The following MVP variants were observed in gnomAD, a reference collection of about 807,000 sequenced individuals.
MVP encodes the protein major vault protein, also known as lung resistance-related protein.
MVP carries 62 observed loss-of-function variants against 83.5 expected under a neutral mutation model. The ratio of observed to expected loss-of-function variants is 0.74; its 90% confidence interval spans 0.61 to 0.92. The LOEUF (loss-of-function observed/expected upper bound fraction) is 0.92, where lower values mean the gene tolerates loss of function less well. Ranked by LOEUF, MVP falls within the 40% of genes least tolerant of loss-of-function variation. The pLI, the probability that MVP is intolerant of heterozygous loss-of-function variation, is 0.00. For synonymous variants in MVP, 505 were observed against 504.1 expected, an observed-to-expected ratio of 1.00 and a Z score of -0.02; for missense variants, 1,000 against 1,203.4, an observed-to-expected ratio of 0.83 and a Z score of 2.50.
intron 1 of MVP, among the ~76,000 whole-genome samples, chr16:29,825,734 G>T (rs2067400491): frequency 2.6e-5 from 4 of 152,338 alleles, no homozygotes; most frequent in Middle Eastern, 3.4e-3. Context: ...CCCAGCTGGG[G>T]CGGCAGATGG....
chr16:29,823,842 G>GA (rs78354677), intron 1 of MVP, among the ~76,000 whole-genome samples: 1,140 of 109,612 alleles, frequency 0.01, 8 homozygotes, highest in African/African-American at 0.018. Context: ...ACTCGTCTCA[G>GA]AAAAAAAAAA....
Position 29,841,794 on chromosome 16 carries a change from C to T in MVP, c.1390C>T (p.His464Tyr). 2 of 1,613,070 alleles carry T rather than the reference C, an allele frequency of 1.2e-6. No individual in the cohort carries two copies. Among genetic ancestry groups the T allele is most frequent in the South Asian group, 1.1e-5 (1 of 91,080 alleles). ...CCGTGTGGTCAGCTACCGCGTGCCC[C>T]ACAACGCTGCGGTGCAGGTGTACGA... is the stretch of plus-strand genomic sequence containing the variant. Reference protein sequence around the residue: ...KTRVVSYRVPHNAAVQVYDYR... With the variant: ...KTRVVSYRVPYNAAVQVYDYR... Residue 464 changes from histidine (H) to tyrosine (Y), a missense_variant, in exon 9 of 15, where the codon CAC (histidine) becomes TAC (tyrosine). Transcript: ENST00000357402. This position sits in a 1 kb window ranked among gnomAD's most constrained non-coding sequence, Gnocchi z 4.7.
rs561686298 is a variant in MVP at position 29,840,424 on chromosome 16, G to A, written c.1156G>A (p.Glu386Lys). Residue 386 changes from glutamate to lysine, a missense_variant, in exon 8 of 15, where the codon GAG becomes AAG. Coordinates refer to ENST00000357402, the MANE Select transcript of MVP (RefSeq NM_005115.5). ...CCAGGCCATCCCTCTAGACGAGAAC[G>A]AGGGCATCTATGTGCAGGATGTCAA... is the stretch of plus-strand genomic sequence containing the variant. The part of the protein sequence containing the change: ...ERQAIPLDEN[E>K]GIYVQDVKTG... 1.2e-5 allele frequency: 19 copies of A among 1,579,886 alleles called. No homozygotes were observed. Among genetic ancestry groups the A allele is most frequent in the African/African-American group, 4.0e-5 (3 of 74,680 alleles).
chr16:29,839,954 G>A (rs1437663343), intron 7 of MVP: 3 of 474,314 alleles, frequency 6.3e-6, no homozygotes, highest in Non-Finnish European at 1.1e-5. Flanking sequence ...TGACAGTTAT[G>A]GAATCTTTCA....
At chr16:29,827,779 G>C (rs2067414732) in intron 1 of MVP, among the ~76,000 whole-genome samples, 1 of 152,054 alleles carries the variant, frequency 6.6e-6, no homozygotes. Context: ...AGCTAGGCGT[G>C]GTGGCACATG....
At chr16:29,843,500 CGGAGGAAGGGAGGAAGGGAGGAAG>C (rs1183954984) in intron 10 of MVP, among the ~76,000 whole-genome samples, 1 of 47,380 alleles carries the variant, frequency 2.1e-5, no homozygotes, top group African/African-American at 1.0e-4. Context: ...GACCCTGTCT[CGGAGGAAGGGAGGAAGGGAGGAAG>C]GGAGGAAGGG....
At chr16:29,830,744 C>T in intron 2 of MVP, 70 bp downstream of exon 2, 1 of 1,589,790 alleles carries the variant, frequency 6.3e-7, no homozygotes, top group Non-Finnish European at 8.6e-7. Flanking sequence ...CATGATGGTC[C>T]TTATCCTCCT....
At position 29,840,358 on chromosome 16, in the gene MVP, G is replaced by C; in HGVS notation, c.1090G>C (p.Glu364Gln). ...GDHWLIRGPL[E>Q]YVPSAKVEVV... is the part of the protein sequence containing the mutation. ...CCACTGGCTCATCCGCGGACCCCTG[G>C]AGTATGTGCCATCTGCCAAAGTGGA... The change falls in exon 8 of 15, where the codon GAG becomes CAG. Residue 364 changes from glutamate to glutamine, a missense_variant. Transcript: ENST00000357402. 1.2e-6 allele frequency: 2 copies of C among 1,606,416 alleles called. No homozygotes were observed. Among genetic ancestry groups the C allele is most frequent in the Non-Finnish European group, 8.5e-7 (1 of 1,176,990 alleles).
intron 3 of MVP, among the ~76,000 whole-genome samples, chr16:29,831,352 C>T (rs1289121470): frequency 6.6e-6 from 1 of 152,136 alleles, no homozygotes; most frequent in African/African-American, 2.4e-5. Flanking sequence ...CAGGGTTTCA[C>T]CATGTTGGCC....
At chr16:29,847,651 T>C in intron 14 of MVP, 111 bp from the exon 15 acceptor site, 1 of 1,105,386 alleles carries the variant, frequency 9.0e-7, no homozygotes, top group Non-Finnish European at 1.4e-6. Flanking sequence ...TCAAGCAGGG[T>C]GGTCAGATGC....
At chr16:29,845,058 C>T (rs1456034316) in intron 11 of MVP, among the ~76,000 whole-genome samples, 179 bp downstream of exon 11, 1 of 152,074 alleles carries the variant, frequency 6.6e-6, no homozygotes, top group Non-Finnish European at 1.5e-5. Flanking sequence ...CGCGGTGGCT[C>T]ATGCCCGTAA....
intron 7 of MVP, among the ~76,000 whole-genome samples, chr16:29,839,830 G>C (rs970027935): frequency 4.1e-5 from 6 of 144,958 alleles, no homozygotes; most frequent in Non-Finnish European, 7.5e-5. Context: ...GATTTGGCCT[G>C]AAAACCAGAG....
At chr16:29,835,667 G>C (rs2067480454) in intron 5 of MVP, 37 bp from the exon 6 acceptor site, 1 of 1,580,108 alleles carries the variant, frequency 6.3e-7, no homozygotes, top group Non-Finnish European at 8.7e-7. Context: ...GAGCAGGCTG[G>C]GGGGCCCTTG....
chr16:29,845,806 C>G, intron 11 of MVP, 57 bp from the exon 12 acceptor site: 2 of 1,536,540 alleles, frequency 1.3e-6, no homozygotes, highest in Non-Finnish European at 1.8e-6. Context: ...GCCCTTGGCG[C>G]TCCTGTTCCT....
At chr16:29,823,592 G>A (rs1251944816) in intron 1 of MVP, among the ~76,000 whole-genome samples, 4 of 150,636 alleles carry the variant, frequency 2.7e-5, no homozygotes, top group Non-Finnish European at 5.9e-5. Flanking sequence ...GGTGGCTCAC[G>A]CCTGTAATCC....
chr16:29,842,018 C>T lies in MVP; in HGVS notation c.1540C>T (p.Leu514Phe), dbSNP rs2067540062. 1 of 1,611,730 alleles carries T rather than the reference C, an allele frequency of 6.2e-7. No homozygotes were observed. The highest frequency in any genetic ancestry group is 8.5e-7 in the Non-Finnish European group (1 of 1,179,990). Reference protein sequence around the residue: ...RPKRPHARRALCLLLGPDFFT... With the variant: ...RPKRPHARRAFCLLLGPDFFT... ...CAAGCGTCCCCATGCCCGCCGTGCG[C>T]TCTGCCTGCTGCTGGGGCCTGACTT... The change falls in exon 10 of 15, where the codon CTC becomes TTC. Residue 514 changes from leucine to phenylalanine, a missense_variant. Transcript: ENST00000357402.
chr16:29,840,283 C>T lies in MVP; in HGVS notation c.1015C>T (p.Pro339Ser). 1.2e-6 allele frequency: 2 copies of T among 1,613,748 alleles called. No homozygotes were observed. Among genetic ancestry groups the T allele is most frequent in the Non-Finnish European group, 1.7e-6 (2 of 1,179,880 alleles). ...GGGGCTGCTGCTGAGGGCCCTGCAG[C>T]CCCTGGAGGAGGGGGAGGATGAGGA... ...QQGLLLRALQ[P>S]LEEGEDEEKV... is the part of the protein sequence containing the mutation. The change falls in exon 8 of 15, where the codon CCC (proline) becomes TCC (serine). Residue 339 changes from proline to serine, a missense_variant. Coordinates refer to ENST00000357402, the MANE Select transcript of MVP (RefSeq NM_005115.5).
At chr16:29,826,846 G>A (rs2067407967) in intron 1 of MVP, among the ~76,000 whole-genome samples, 1 of 149,790 alleles carries the variant, frequency 6.7e-6, no homozygotes, top group East Asian at 2.0e-4. Flanking sequence ...AGAATCATTT[G>A]AACTGGGGAG....
chr16:29,844,758 G>A lies in MVP; in HGVS notation c.1900G>A (p.Val634Met), dbSNP rs1448677674. 1 of 1,611,922 alleles carries A rather than the reference G, an allele frequency of 6.2e-7. No individual in the cohort carries two copies. Among genetic ancestry groups the A allele is most frequent in the Non-Finnish European group, 8.5e-7 (1 of 1,179,994 alleles). The change falls in exon 11 of 15, where the codon GTG becomes ATG. Residue 634 changes from valine (V) to methionine (M), a missense_variant. Transcript: ENST00000357402. ...DQAVFPQNGL[V>M]VSSVDVQSVE... ...GGCTGTCTTCCCCCAAAACGGGCTG[G>A]TGGTCAGCAGTGTGGACGTGCAGTC...
Sources: gnomAD v4.1 joint callset for allele counts (sites outside exome capture counted in the v4.1 genomes callset) on GRCh38, gnomAD v4.1.1 for gene constraint, Gnocchi (gnomAD v3.1) non-coding constraint, MANE v1.5 for transcripts, NCBI Gene and HGNC (gene_info 2026-07-23, HGNC 2026-07-21) for gene names.